The following PCDH9 variants were observed in gnomAD, a reference collection of about 807,000 sequenced individuals.
The protein encoded by PCDH9 is protocadherin 9.
PCDH9 carries 24 observed loss-of-function variants against 70.6 expected under a neutral mutation model. That is an observed-to-expected ratio of 0.34 (90% CI 0.25 to 0.48). PCDH9 has a LOEUF of 0.48. PCDH9 is among the 20% of genes least tolerant of loss of function. PCDH9 has a pLI of 0.99. For synonymous variants in PCDH9, 562 were observed against 558.5 expected (o/e 1.01, Z -0.09); for missense variants, 1,281 against 1,503.6 (o/e 0.85, Z 2.45).
chr13:66,712,763 T>C (rs888217255), intron 3 of PCDH9, among the ~76,000 whole-genome samples: 11 of 152,146 alleles, frequency 7.2e-5, no homozygotes, highest in African/African-American at 2.4e-4. Context: ...TATTTTCTAG[T>C]ACATTATAAC....
rs754653968 is a variant in PCDH9 at position 67,227,679 on chromosome 13, C to G, written c.762G>C (p.Glu254Asp). The change falls in exon 2 of 5, where the codon GAG becomes GAC. Residue 254 changes from glutamate to aspartate, a missense_variant. Coordinates refer to ENST00000377865, the MANE Select transcript of PCDH9 (RefSeq NM_203487.3). The surrounding 1 kb of genome is among the most constrained non-coding windows in gnomAD (Gnocchi z 4.6). ...DVNDNRPVFKEGQVEVHIPEN... is the reference protein window; with the variant it reads ...DVNDNRPVFKDGQVEVHIPEN... The stretch of plus-strand genomic sequence containing the variant: ...CTGGAATATGCACCTCCACTTGACC[C>G]TCTTTAAACACTGGCCTGTTGTCAT... The G allele has an allele frequency of 3.1e-6, 5 of 1,613,794 alleles. No individual in the cohort carries two copies. In the African/African-American group the frequency reaches 5.3e-5, roughly 17 times the overall value.
intron 3 of PCDH9, among the ~76,000 whole-genome samples, chr13:66,800,815 A>T (rs147171568): frequency 5.9e-4 from 90 of 152,040 alleles, no homozygotes; most frequent in African/African-American, 2.0e-3. Context: ...ATTATTCCTA[A>T]TTTTCCTCAC....
chr13:66,688,253 T>A (rs2139077166), intron 3 of PCDH9, among the ~76,000 whole-genome samples: 1 of 152,284 alleles, frequency 6.6e-6, no homozygotes, highest in Non-Finnish European at 1.5e-5. Context: ...ACTGCCTTCA[T>A]TCCTATACCT....
rs555371855 is a variant in PCDH9, at chr13:67,004,191, C to G, written c.3037-100586G>C. Among the ~76,000 whole-genome samples, 52 of 151,878 alleles carry G rather than the reference C, an allele frequency of 3.4e-4. 1 individual carries two copies. Among genetic ancestry groups the G allele is most frequent in the Non-Finnish European group, 2.9e-5 (2 of 67,944 alleles). On this transcript the variant is annotated intron_variant, in intron 2 of 4. Coordinates refer to ENST00000377865, the MANE Select transcript of PCDH9 (RefSeq NM_203487.3). ...CTTAGTGCAAACATATGGTTAAAAGCCTGACTTTTCACAATATGATACATT... is the reference window on the plus strand; with the variant it reads ...CTTAGTGCAAACATATGGTTAAAAGGCTGACTTTTCACAATATGATACATT...
At chr13:66,446,255 C>A (rs1221859042) in intron 4 of PCDH9, among the ~76,000 whole-genome samples, 10 of 151,686 alleles carry the variant, frequency 6.6e-5, no homozygotes, top group Admixed American at 2.0e-4. Flanking sequence ...AAAGAGTAAC[C>A]AACATTTGCC....
At chr13:66,904,587 A>G (rs1356850856) in intron 2 of PCDH9, among the ~76,000 whole-genome samples, 2 of 151,988 alleles carry the variant, frequency 1.3e-5, no homozygotes, top group African/African-American at 4.8e-5. Context: ...ATTTCATTAC[A>G]TTACAAGCAA....
intron 4 of PCDH9, among the ~76,000 whole-genome samples, chr13:66,501,492 G>A (rs900995833): frequency 2.0e-5 from 3 of 152,038 alleles, no homozygotes; most frequent in Non-Finnish European, 4.4e-5. Flanking sequence ...TTCATTATGA[G>A]CTTTGTTATT....
chr13:66,689,006 A>G (rs962198826), intron 3 of PCDH9, among the ~76,000 whole-genome samples: 4 of 152,180 alleles, frequency 2.6e-5, no homozygotes, highest in African/African-American at 9.6e-5. Flanking sequence ...GTTGCATTGA[A>G]GACCAATAGA....
intron 3 of PCDH9, among the ~76,000 whole-genome samples, chr13:66,673,629 T>C (rs1006778181): frequency 3.3e-5 from 5 of 152,160 alleles, no homozygotes; most frequent in Non-Finnish European, 5.9e-5. Context: ...AGAAACTCTG[T>C]GGACACATTG....
chr13:67,002,849 A>G (rs1367859117), intron 2 of PCDH9, among the ~76,000 whole-genome samples: 3 of 152,074 alleles, frequency 2.0e-5, no homozygotes, highest in African/African-American at 7.2e-5. Flanking sequence ...CAGTCCATTA[A>G]TTATCAGGCT....
chr13:66,936,961 G>A (rs777455714), intron 2 of PCDH9, among the ~76,000 whole-genome samples: 10 of 152,200 alleles, frequency 6.6e-5, no homozygotes, highest in South Asian at 6.2e-4. Flanking sequence ...ACTGCGTGGC[G>A]CATAATTTGG....
At chr13:66,373,206 G>A (rs961166490) in intron 4 of PCDH9, among the ~76,000 whole-genome samples, 46 of 152,026 alleles carry the variant, frequency 3.0e-4, no homozygotes, top group Middle Eastern at 3.4e-3. Context: ...CCTTAAGGAC[G>A]TTATGCCAGA....
At chr13:66,981,138 C>G (rs561135803) in intron 2 of PCDH9, among the ~76,000 whole-genome samples, 25 of 152,050 alleles carry the variant, frequency 1.6e-4, no homozygotes, top group African/African-American at 5.5e-4. Flanking sequence ...TAAGACTAAG[C>G]ATGAAATAGT....
intron 2 of PCDH9, among the ~76,000 whole-genome samples, chr13:67,077,238 C>T (rs2085895586): frequency 6.6e-6 from 1 of 152,184 alleles, no homozygotes; most frequent in African/African-American, 2.4e-5. Flanking sequence ...TCCTCCCTGT[C>T]ACTCTCTTTT....
chr13:66,700,952 A>AT (rs1566514458), intron 3 of PCDH9, among the ~76,000 whole-genome samples: 3 of 133,990 alleles, frequency 2.2e-5, no homozygotes, highest in African/African-American at 8.4e-5. Context: ...ATATATATAT[A>AT]TATATATATA....
At chr13:66,435,155 A>G (rs1957846336) in intron 4 of PCDH9, among the ~76,000 whole-genome samples, 1 of 152,134 alleles carries the variant, frequency 6.6e-6, no homozygotes, top group Non-Finnish European at 1.5e-5. Flanking sequence ...TGATAGCAAC[A>G]ATGTCTGGAA....
At chr13:66,981,003 C>T (rs1053492175) in intron 2 of PCDH9, among the ~76,000 whole-genome samples, 4 of 151,928 alleles carry the variant, frequency 2.6e-5, no homozygotes, top group Non-Finnish European at 4.4e-5. Flanking sequence ...AAGTAAGCGC[C>T]ATGTGTTTTT....
intron 2 of PCDH9, among the ~76,000 whole-genome samples, chr13:66,917,250 A>G (rs2082571428): frequency 6.6e-6 from 1 of 151,454 alleles, no homozygotes; most frequent in Non-Finnish European, 1.5e-5. Context: ...GCCTGCCACG[A>G]AACTGGGCCT....
At chr13:66,465,580 G>T (rs913378334) in intron 4 of PCDH9, among the ~76,000 whole-genome samples, 1 of 151,748 alleles carries the variant, frequency 6.6e-6, no homozygotes, top group Non-Finnish European at 1.5e-5. Context: ...TCATGCTTTG[G>T]TTAGCTTAAA....
Sources: allele counts gnomAD v4.1 joint callset (sites outside exome capture counted in the v4.1 genomes callset), GRCh38; gene constraint gnomAD v4.1.1; non-coding constraint Gnocchi (gnomAD v3.1); transcripts MANE v1.5; gene names NCBI Gene and HGNC (gene_info 2026-07-23, HGNC 2026-07-21).